Variants in SPAG17 observed in about 807,000 individuals in gnomAD.
The protein encoded by SPAG17 is sperm-associated antigen 17.
SPAG17 carries 169 observed loss-of-function variants against 273.6 expected under a neutral mutation model. That is an observed-to-expected ratio of 0.62 (90% CI 0.55 to 0.70). The LOEUF (loss-of-function observed/expected upper bound fraction) is 0.70, where lower values mean the gene tolerates loss of function less well. Among genes scored for constraint, SPAG17 ranks in the 30% least tolerant of loss-of-function variants. The pLI is 0.00. For missense variants in SPAG17, 2,557 were observed against 2,627.8 expected (o/e 0.97, Z 0.59); for synonymous variants, 825 against 873.2 (o/e 0.94, Z 0.97).
chr1:118,085,645 A>G (rs1371801375), intron 13 of SPAG17, among the ~76,000 whole-genome samples: 2 of 152,158 alleles, frequency 1.3e-5, no homozygotes, highest in African/African-American at 4.8e-5. Flanking sequence ...GAGATGGGGG[A>G]AAACGAGGAA....
At chr1:117,961,140 G>C in intron 48 of SPAG17, 1 of 152,172 alleles carries the variant, frequency 6.6e-6, no homozygotes, top group South Asian at 2.1e-4. Flanking sequence ...AAAACTAGCT[G>C]GGCGTGGTGG....
intron 6 of SPAG17, among the ~76,000 whole-genome samples, chr1:118,099,187 C>A (rs1002247955): frequency 2.0e-5 from 3 of 152,146 alleles, no homozygotes; most frequent in African/African-American, 7.2e-5. Flanking sequence ...CATAATAAGA[C>A]AATAGCAGAA....
intron 1 of SPAG17, among the ~76,000 whole-genome samples, chr1:118,176,753 T>C (rs1181499129): frequency 6.6e-6 from 1 of 152,208 alleles, no homozygotes; most frequent in Non-Finnish European, 1.5e-5. Flanking sequence ...ATATACGTTC[T>C]TTTCAGCAGC....
At chr1:117,978,758 CACCTTGCAGGGGTGAGGGGCATTTG>C (rs1035574070) in intron 43 of SPAG17, among the ~76,000 whole-genome samples, 5 of 152,140 alleles carry the variant, frequency 3.3e-5, no homozygotes, top group Non-Finnish European at 7.4e-5. Flanking sequence ...CTTCCTCCCT[CACCTTGCAGGGGTGAGGGGCATTTG>C]ACCTTGCAGG....
In SPAG17 at chr1:117,957,600, CTGTGGCCCGCAGGCCACA is replaced by C. The variant is rs534962154; in HGVS notation, c.*1-3569_*1-3552del. 2.6e-4 allele frequency among the ~76,000 whole-genome samples: 40 copies of C among 152,360 alleles called. No homozygotes were observed. The East Asian group carries it at 5.6e-3, about 21-fold the overall frequency. ...TTCTTTTAAGCCAACCTTGTCCAGC[CTGTGGCCCGCAGGCCACA>C]TGTGGCCCAGTATGGCTTTGAATGT... On this transcript the variant is annotated intron_variant, in intron 48 of 48. Transcript: ENST00000336338.
rs936844893 is a variant in SPAG17, at chr1:118,091,943, T to C, written c.1233A>G (p.Gln411=). ...GKKKAQYEEP[Q]APPPVTSVIT... is the part of the protein sequence containing the mutation. ...TTTCATACATGCCTGGTGGTGGAGC[T>C]TGCGGTTCTTCATACTGTGCTTTCT... is the stretch of plus-strand genomic sequence containing the variant. Residue 411 remains glutamine (Q), a synonymous_variant, in exon 9 of 49, where the codon CAA becomes CAG. Coordinates refer to ENST00000336338, the MANE Select transcript of SPAG17 (RefSeq NM_206996.4). 3 of 1,613,592 alleles carry C rather than the reference T, an allele frequency of 1.9e-6. No homozygotes were observed. In the East Asian group the frequency reaches 6.7e-5, roughly 36 times the overall value.
chr1:118,012,076 C>A, intron 30 of SPAG17, 152 bp downstream of exon 30: 9 of 547,106 alleles, frequency 1.6e-5, no homozygotes, highest in East Asian at 3.2e-5. Flanking sequence ...CCTTATAGAC[C>A]CTGCTTTGGA....
chr1:118,127,565 C>T (rs139555478), intron 3 of SPAG17, among the ~76,000 whole-genome samples: 226 of 152,312 alleles, frequency 1.5e-3, no homozygotes, highest in African/African-American at 5.2e-3. Flanking sequence ...CAGGCCCTGC[C>T]TCCAACAGTG....
At chr1:117,984,405 A>T (rs994250513) in intron 41 of SPAG17, among the ~76,000 whole-genome samples, 2 of 152,214 alleles carry the variant, frequency 1.3e-5, no homozygotes, top group Non-Finnish European at 2.9e-5. Flanking sequence ...AAGGCTTAAC[A>T]TAGATGGGAG....
At chr1:118,017,305 T>C (rs998355545) in intron 28 of SPAG17, among the ~76,000 whole-genome samples, 1 of 152,144 alleles carries the variant, frequency 6.6e-6, no homozygotes, top group Non-Finnish European at 1.5e-5. Context: ...CTTCTGTTCT[T>C]GTTACTTTTT....
chr1:118,075,074 T>G (rs1653966663), intron 15 of SPAG17, among the ~76,000 whole-genome samples: 1 of 152,198 alleles, frequency 6.6e-6, no homozygotes, highest in Admixed American at 6.5e-5. Context: ...GGCAGATAAG[T>G]GCACTTCCTA....
At position 118,091,656 on chromosome 1, in the gene SPAG17, G is replaced by T. The variant is rs867871862; in HGVS notation, c.1309C>A (p.Arg437=). The stretch of plus-strand genomic sequence containing the variant: ...AGGGGCACAGAAATGAATTCCTCTC[G>T]AATTGGATTCAGCAAATAATTGTAA... ...RYYNYLLNPI[R]EEFISVPLIL... is the part of the protein sequence containing the mutation. The change falls in exon 10 of 49, where the codon CGA becomes AGA. Residue 437 remains arginine (R), a synonymous_variant. Coordinates refer to ENST00000336338, the MANE Select transcript of SPAG17 (RefSeq NM_206996.4). The T allele has an allele frequency of 9.3e-6, 15 of 1,612,768 alleles. No homozygotes were observed. The highest frequency in any genetic ancestry group is 1.1e-5 in the Non-Finnish European group (13 of 1,179,148).
intron 25 of SPAG17, among the ~76,000 whole-genome samples, chr1:118,031,127 T>C (rs921193886): frequency 6.6e-6 from 1 of 151,304 alleles, no homozygotes; most frequent in African/African-American, 2.4e-5. Context: ...AAAGTGTGTG[T>C]GTGTGTGTGT....
chr1:118,132,427 G>A (rs1026508698), intron 3 of SPAG17, among the ~76,000 whole-genome samples: 2 of 152,174 alleles, frequency 1.3e-5, no homozygotes, highest in African/African-American at 4.8e-5. Flanking sequence ...GTAACCAAGG[G>A]TGACACGATC....
chr1:118,083,892 G>C (rs1389552212), intron 13 of SPAG17, among the ~76,000 whole-genome samples: 1 of 152,130 alleles, frequency 6.6e-6, no homozygotes, highest in African/African-American at 2.4e-5. Context: ...CAAATTTAGG[G>C]ATGAGGAATC....
At chr1:118,173,839 G>A (rs1570827440) in intron 1 of SPAG17, among the ~76,000 whole-genome samples, 1 of 137,000 alleles carries the variant, frequency 7.3e-6, no homozygotes, top group East Asian at 2.0e-4. Context: ...CAGCCTGGGT[G>A]ACAGAGCGAG....
At chr1:118,016,893 A>G (rs191070584) in intron 28 of SPAG17, among the ~76,000 whole-genome samples, 1 of 152,338 alleles carries the variant, frequency 6.6e-6, no homozygotes, top group Admixed American at 6.5e-5. Context: ...CTCCATTTCC[A>G]TGAATAATAA....
chr1:118,165,668 C>CG (rs1456708212), intron 1 of SPAG17, among the ~76,000 whole-genome samples: 1 of 101,838 alleles, frequency 9.8e-6, no homozygotes, highest in Non-Finnish European at 1.8e-5. Flanking sequence ...TTTTTTGAGA[C>CG]GGAGTCTCGC....
At chr1:118,162,065 C>A (rs748955688) in intron 1 of SPAG17, among the ~76,000 whole-genome samples, 1 of 152,152 alleles carries the variant, frequency 6.6e-6, no homozygotes, top group African/African-American at 2.4e-5. Context: ...TAATATAAAA[C>A]CCCTTTAAGG....
Sources: allele counts gnomAD v4.1 joint callset (sites outside exome capture counted in the v4.1 genomes callset), GRCh38; gene constraint gnomAD v4.1.1; transcripts MANE v1.5; gene names NCBI Gene and HGNC (gene_info 2026-07-23, HGNC 2026-07-21).